The following PUM1 variants were observed in gnomAD, a reference collection of about 807,000 sequenced individuals.
The protein encoded by PUM1 is pumilio homolog 1.
PUM1 carries 13 observed loss-of-function variants against 131.8 expected under a neutral mutation model. The ratio of observed to expected loss-of-function variants is 0.10; its 90% confidence interval spans 0.06 to 0.16. The LOEUF (loss-of-function observed/expected upper bound fraction) is 0.16, where lower values mean the gene tolerates loss of function less well. Among genes scored for constraint, PUM1 ranks in the 10% least tolerant of loss-of-function variants. PUM1 has a pLI of 1.00. For missense variants in PUM1, 961 were observed against 1,512.4 expected (o/e 0.64, Z 6.05); for synonymous variants, 509 against 556.5 (o/e 0.91, Z 1.20).
intron 2 of PUM1, among the ~76,000 whole-genome samples, chr1:31,049,811 T>C (rs2124586073): frequency 6.7e-6 from 1 of 149,804 alleles, no homozygotes; most frequent in Admixed American, 6.7e-5. Context: ...GAAGAGCATC[T>C]GACTGAACTT....
At chr1:31,052,076 G>C (rs531628766) in intron 2 of PUM1, among the ~76,000 whole-genome samples, 6 of 151,850 alleles carry the variant, frequency 4.0e-5, no homozygotes, top group African/African-American at 1.5e-4. Context: ...GCAGTGGTGC[G>C]ATCTTGGCTC....
chr1:30,974,098 AAAAG>A (rs201197625), intron 10 of PUM1, among the ~76,000 whole-genome samples: 14 of 139,304 alleles, frequency 1.0e-4, no homozygotes, highest in Admixed American at 1.5e-4. Context: ...AAAAAAAAAA[AAAAG>A]GTGTTATTCT....
chr1:31,005,054 T>C (rs1051077781), intron 5 of PUM1, among the ~76,000 whole-genome samples: 4 of 152,204 alleles, frequency 2.6e-5, no homozygotes, highest in Non-Finnish European at 5.9e-5. Flanking sequence ...GTCTGTGACC[T>C]GGAATATGAC....
intron 5 of PUM1, among the ~76,000 whole-genome samples, chr1:30,997,198 T>A (rs1642010131): frequency 6.6e-5 from 10 of 151,536 alleles, no homozygotes; most frequent in Admixed American, 6.6e-4. Context: ...TCAAAAGGAG[T>A]TCAAAAGGTC....
At chr1:31,048,595 C>T (rs976615371) in intron 2 of PUM1, among the ~76,000 whole-genome samples, 8 of 151,770 alleles carry the variant, frequency 5.3e-5, no homozygotes, top group African/African-American at 1.7e-4. Flanking sequence ...CTGCCTCAGC[C>T]TCCCAAGTAG....
intron 18 of PUM1, 72 bp from the exon 19 acceptor site, chr1:30,942,195 A>ATATGTT (rs1364625781): frequency 5.1e-5 from 1 of 19,678 alleles, no homozygotes; most frequent in Non-Finnish European, 1.3e-4. Context: ...TATTGTTTAT[A>ATATGTT]TATATATATA....
chr1:31,014,301 CAAA>C (rs745510280), intron 3 of PUM1, among the ~76,000 whole-genome samples: 1,434 of 76,006 alleles, frequency 0.019, 23 homozygotes, highest in African/African-American at 0.069. Flanking sequence ...ATCCAGTCTC[CAAA>C]AAAAAAAAAA....
intron 17 of PUM1, 113 bp from the exon 18 acceptor site, chr1:30,945,596 A>G: frequency 8.9e-7 from 1 of 1,126,138 alleles, no homozygotes; most frequent in Non-Finnish European, 1.3e-6. Context: ...TGTGATGATG[A>G]AAGTGGAATA....
chr1:30,974,525 A>G, intron 10 of PUM1, 126 bp downstream of exon 10: 1 of 910,564 alleles, frequency 1.1e-6, no homozygotes, highest in Non-Finnish European at 1.6e-6. Context: ...ACTCAGACAC[A>G]CATATATACA....
chr1:31,038,975 TATATATA>T (rs1348006259), intron 2 of PUM1, among the ~76,000 whole-genome samples: 1 of 36,884 alleles, frequency 2.7e-5, no homozygotes, highest in Non-Finnish European at 5.0e-5. Flanking sequence ...TATATATATA[TATATATA>T]TATTTTTTTT....
At chr1:30,966,340 T>A (rs1640619346) in intron 12 of PUM1, 62 bp from the exon 13 acceptor site, 6 of 1,473,212 alleles carry the variant, frequency 4.1e-6, no homozygotes, top group Non-Finnish European at 3.6e-6. Context: ...CCAAACTACA[T>A]TTTTATCTTT....
chr1:30,982,708 A>G (rs1260419124), intron 7 of PUM1, among the ~76,000 whole-genome samples: 1 of 152,218 alleles, frequency 6.6e-6, no homozygotes, highest in Non-Finnish European at 1.5e-5. Flanking sequence ...TCATGACTGG[A>G]CTTACTCTTA....
chr1:31,054,222 G>A (rs1380013860), intron 2 of PUM1, among the ~76,000 whole-genome samples: 1 of 151,920 alleles, frequency 6.6e-6, no homozygotes, highest in Non-Finnish European at 1.5e-5. Context: ...AGGATAGGGA[G>A]GCTAAGGCAG....
intron 18 of PUM1, among the ~76,000 whole-genome samples, chr1:30,943,073 C>T (rs1440262416): frequency 6.6e-6 from 1 of 152,036 alleles, no homozygotes; most frequent in Non-Finnish European, 1.5e-5. Context: ...TGACTTTATA[C>T]ATGTAGCTTT....
intron 14 of PUM1, 99 bp downstream of exon 14, chr1:30,964,575 T>C (rs542284681): frequency 9.8e-7 from 1 of 1,021,244 alleles, no homozygotes; most frequent in South Asian, 1.4e-5. Flanking sequence ...ACACTTCTAG[T>C]ATAAAGGGAC....
intron 14 of PUM1, among the ~76,000 whole-genome samples, chr1:30,961,536 C>CG (rs978287058): frequency 2.0e-5 from 3 of 151,252 alleles, no homozygotes; most frequent in Non-Finnish European, 2.9e-5. Context: ...ACAATAAAAA[C>CG]GGGGGGGAAT....
chr1:30,953,249 A>G (rs961835002), intron 15 of PUM1, among the ~76,000 whole-genome samples: 2 of 152,220 alleles, frequency 1.3e-5, no homozygotes, highest in Admixed American at 6.5e-5. Context: ...GGAAAGAAGG[A>G]TGGGTGTTGT....
At chr1:30,956,801 A>G (rs2124423200) in intron 14 of PUM1, among the ~76,000 whole-genome samples, 1 of 152,334 alleles carries the variant, frequency 6.6e-6, no homozygotes, top group African/African-American at 2.4e-5. Flanking sequence ...TAAAGGAGCC[A>G]GGTCCTTGGT....
chr1:30,992,782 A>G lies in PUM1; in HGVS notation c.888-122T>C, dbSNP rs1235030901. 3 of 846,264 alleles carry G rather than the reference A, an allele frequency of 3.5e-6. No homozygotes were observed. The African/African-American group carries it at 5.1e-5, about 15-fold the overall frequency. The allele number at this position is 846,264 out of a possible 1,614,324, so 52.4% of individuals were successfully genotyped here. ...ATCAACAGTATTTAAAACTATTTCTATAAAATAACCAGAGATACTTTACAG... is the reference window on the plus strand; with the variant it reads ...ATCAACAGTATTTAAAACTATTTCTGTAAAATAACCAGAGATACTTTACAG... On this transcript the variant is annotated intron_variant, in intron 6 of 21. Coordinates refer to ENST00000426105, the MANE Select transcript of PUM1 (RefSeq NM_001020658.2).
Sources: gnomAD v4.1 joint callset for allele counts (sites outside exome capture counted in the v4.1 genomes callset) on GRCh38, gnomAD v4.1.1 for gene constraint, MANE v1.5 for transcripts, NCBI Gene and HGNC (gene_info 2026-07-23, HGNC 2026-07-21) for gene names.